Variants in IFIH1 observed in about 807,000 individuals in gnomAD.
The protein encoded by IFIH1 is interferon induced with helicase C domain 1.
Under a neutral mutation model 107.4 loss-of-function variants are expected in IFIH1, and 125 were observed. The observed-to-expected ratio is 1.16, with a 90% CI of 1.01 to 1.35. IFIH1 has a LOEUF of 1.35. Ranked by LOEUF, IFIH1 falls within the 40% of genes most tolerant of loss-of-function variation. The pLI, the probability that IFIH1 is intolerant of heterozygous loss-of-function variation, is 0.00. For missense variants in IFIH1, 1,333 were observed against 1,213.7 expected, an observed-to-expected ratio of 1.10 and a Z score of -1.46; for synonymous variants, 458 against 413.2, an observed-to-expected ratio of 1.11 and a Z score of -1.31.
intron 1 of IFIH1, among the ~76,000 whole-genome samples, chr2:162,313,358 TC>T (rs1366630116): frequency 6.6e-6 from 1 of 152,152 alleles, no homozygotes. Flanking sequence ...CCCATGCCCC[TC>T]CCCCACTCGA....
At chr2:162,276,547 G>T in intron 11 of IFIH1, 140 bp downstream of exon 11, 2 of 916,774 alleles carry the variant, frequency 2.2e-6, no homozygotes, top group Non-Finnish European at 3.2e-6. Flanking sequence ...CAAGGGTGCA[G>T]TGAATCTTGA....
intron 3 of IFIH1, among the ~76,000 whole-genome samples, chr2:162,306,246 T>A (rs1215765236): frequency 6.6e-6 from 1 of 152,226 alleles, no homozygotes; most frequent in Non-Finnish European, 1.5e-5. Context: ...CAACCCTAGT[T>A]CAGCATCTGT....
At position 162,293,656 on chromosome 2, in the gene IFIH1, C is replaced by T; in HGVS notation, c.782G>A (p.Ser261Asn). The change falls in exon 4 of 16, where the codon AGT becomes AAT. Residue 261 changes from serine (S) to asparagine (N), a missense_variant. Physicochemically the swap from Ser to Asn is conservative, Grantham distance 46. Transcript: ENST00000649979. ...GCAGCTGACACTTCCTTCTGCCAAACTTGTGTCTGATTCTGCAAAGGAAAA... is the reference window on the plus strand; with the variant it reads ...GCAGCTGACACTTCCTTCTGCCAAATTTGTGTCTGATTCTGCAAAGGAAAA... Reference protein sequence around the residue: ...DSSVVSESDTSLAEGSVSCLD... With the variant: ...DSSVVSESDTNLAEGSVSCLD... The T allele has an allele frequency of 6.2e-7, 1 of 1,608,468 alleles. No homozygotes were observed. Among genetic ancestry groups the T allele is most frequent in the South Asian group, 1.1e-5 (1 of 90,704 alleles).
At chr2:162,275,976 T>C (rs964823591) in intron 11 of IFIH1, among the ~76,000 whole-genome samples, 7 of 152,220 alleles carry the variant, frequency 4.6e-5, no homozygotes, top group African/African-American at 1.7e-4. Context: ...TATGTAAATA[T>C]ATTTTGCATA....
chr2:162,295,793 C>T (rs992224790), intron 3 of IFIH1, among the ~76,000 whole-genome samples: 5 of 151,824 alleles, frequency 3.3e-5, no homozygotes, highest in African/African-American at 1.2e-4. Flanking sequence ...TGGGATAGAA[C>T]TGTCAAGTAG....
chr2:162,312,989 C>T (rs999428352), intron 1 of IFIH1, among the ~76,000 whole-genome samples: 1 of 152,100 alleles, frequency 6.6e-6, no homozygotes, highest in African/African-American at 2.4e-5. Context: ...TCTATTAAGT[C>T]AACTTTTACT....
At position 162,293,643 on chromosome 2, in the gene IFIH1, T is replaced by C; in HGVS notation, c.795A>G (p.Gly265=). Residue 265 remains glycine, a synonymous_variant, in exon 4 of 16, where the codon GGA becomes GGG. Coordinates refer to ENST00000649979, the MANE Select transcript of IFIH1 (RefSeq NM_022168.4). ...VSESDTSLAE[G]SVSCLDESLG... is the part of the protein sequence containing the mutation. ...GACTTTCATCTAAGCAGCTGACACTTCCTTCTGCCAAACTTGTGTCTGATT... is the reference window on the plus strand; with the variant it reads ...GACTTTCATCTAAGCAGCTGACACTCCCTTCTGCCAAACTTGTGTCTGATT... 6.2e-7 allele frequency: 1 copy of C among 1,610,722 alleles called. No homozygotes were observed. Among genetic ancestry groups the C allele is most frequent in the Non-Finnish European group, 8.5e-7 (1 of 1,177,634 alleles).
At chr2:162,285,874 G>A (rs1218470060) in intron 5 of IFIH1, among the ~76,000 whole-genome samples, 1 of 151,916 alleles carries the variant, frequency 6.6e-6, no homozygotes, top group East Asian at 1.9e-4. Flanking sequence ...CTCAGAAACT[G>A]ACTGCACAAA....
intron 2 of IFIH1, among the ~76,000 whole-genome samples, chr2:162,308,629 T>G (rs1387592119): frequency 1.3e-5 from 2 of 152,154 alleles, no homozygotes; most frequent in African/African-American, 4.8e-5. Context: ...CCACCCGTCT[T>G]GGCCTCCCAA....
chr2:162,310,467 G>T, intron 2 of IFIH1: 1 of 472,646 alleles, frequency 2.1e-6, no homozygotes, highest in Non-Finnish European at 3.7e-6. Flanking sequence ...CAATGTATTT[G>T]TGTATATTTA....
chr2:162,314,468 C>A (rs1033869955), intron 1 of IFIH1, among the ~76,000 whole-genome samples: 1 of 115,444 alleles, frequency 8.7e-6, no homozygotes, highest in East Asian at 2.8e-4. Flanking sequence ...TTCTTTCTTT[C>A]TTTCTTTCTT....
At chr2:162,290,430 T>C (rs1261419065) in intron 4 of IFIH1, among the ~76,000 whole-genome samples, 1 of 151,868 alleles carries the variant, frequency 6.6e-6, no homozygotes, top group African/African-American at 2.4e-5. Flanking sequence ...AATCATTTAT[T>C]AAGCTGATAC....
intron 3 of IFIH1, among the ~76,000 whole-genome samples, chr2:162,302,527 T>C (rs921584658): frequency 4.1e-4 from 63 of 152,178 alleles, no homozygotes; most frequent in Admixed American, 4.1e-3. Context: ...AAAACAAAAC[T>C]ACACAAATGC....
intron 3 of IFIH1, among the ~76,000 whole-genome samples, chr2:162,304,263 CAA>C (rs1683242053): frequency 6.6e-6 from 1 of 152,108 alleles, no homozygotes. Context: ...AGTTTCCAGA[CAA>C]GTCTTGACAA....
intron 3 of IFIH1, among the ~76,000 whole-genome samples, chr2:162,305,351 C>T (rs1488404029): frequency 1.3e-5 from 2 of 152,158 alleles, no homozygotes; most frequent in Non-Finnish European, 2.9e-5. Flanking sequence ...GGGGGGATCA[C>T]CTGAGGTCAG....
intron 11 of IFIH1, among the ~76,000 whole-genome samples, chr2:162,275,727 T>A (rs1691139674): frequency 6.6e-6 from 1 of 152,210 alleles, no homozygotes; most frequent in Non-Finnish European, 1.5e-5. Context: ...AATGTGATTT[T>A]AGCCCTCAGA....
Position 162,277,600 on chromosome 2 carries a change from A to G in IFIH1, c.1859T>C (p.Ile620Thr), listed in dbSNP as rs1682720572. 5.6e-6 allele frequency: 9 copies of G among 1,612,814 alleles called. No individual in the cohort carries two copies. The highest frequency in any genetic ancestry group is 1.1e-5 in the South Asian group (1 of 91,050). ...ALQINDTIRM[I>T]DAYTHLETFY... Reference sequence around the variant, plus strand: ...AGTTTCAAGATGAGTATACGCATCTATCATTCGAATTGTGTCATTAATTTG... The same window carrying G: ...AGTTTCAAGATGAGTATACGCATCTGTCATTCGAATTGTGTCATTAATTTG... Residue 620 changes from isoleucine (I) to threonine (T), a missense_variant, in exon 10 of 16, where the codon ATA becomes ACA. Coordinates refer to ENST00000649979, the MANE Select transcript of IFIH1 (RefSeq NM_022168.4).
intron 4 of IFIH1, among the ~76,000 whole-genome samples, chr2:162,289,831 T>G (rs1245878126): frequency 6.6e-6 from 1 of 151,998 alleles, no homozygotes; most frequent in African/African-American, 2.4e-5. Context: ...AAAACTCATT[T>G]AAAATCACCA....
intron 1 of IFIH1, among the ~76,000 whole-genome samples, chr2:162,312,562 C>G (rs1444093586): frequency 6.6e-6 from 1 of 152,158 alleles, no homozygotes; most frequent in Non-Finnish European, 1.5e-5. Context: ...ATTTTAAATT[C>G]ATTTTCTGGC....
Sources: gnomAD v4.1 joint callset for allele counts (sites outside exome capture counted in the v4.1 genomes callset) on GRCh38, gnomAD v4.1.1 for gene constraint, MANE v1.5 for transcripts, NCBI Gene and HGNC (gene_info 2026-07-23, HGNC 2026-07-21) for gene names.